FBXO36: variants seen among roughly 807,000 people sequenced by gnomAD.
The protein encoded by FBXO36 is F-box only protein 36.
FBXO36 carries 18 observed loss-of-function variants against 17.0 expected under a neutral mutation model. The ratio of observed to expected loss-of-function variants is 1.06; its 90% CI spans 0.73 to 1.57. FBXO36 has a LOEUF of 1.57. Ranked by LOEUF, FBXO36 falls within the 40% of genes most tolerant of loss-of-function variation. The pLI is 0.00. For synonymous variants in FBXO36, 83 were observed against 85.3 expected (o/e 0.97, Z 0.15); for missense variants, 229 against 221.9 (o/e 1.03, Z -0.20).
chr2:229,956,208 G>A (rs1269221178), intron 1 of FBXO36, among the ~76,000 whole-genome samples: 2 of 152,134 alleles, frequency 1.3e-5, no homozygotes, highest in Admixed American at 6.6e-5. Flanking sequence ...TCTGGAAACC[G>A]GAAGTCCAAG....
chr2:229,987,854 A>G (rs1317892457), intron 2 of FBXO36, among the ~76,000 whole-genome samples: 2 of 151,988 alleles, frequency 1.3e-5, no homozygotes, highest in Non-Finnish European at 2.9e-5. Flanking sequence ...ACTTATCTCT[A>G]ACTCCTGGCC....
chr2:229,996,613 G>A (rs879508834), intron 2 of FBXO36, 138 bp from the exon 3 acceptor site: 116 of 908,180 alleles, frequency 1.3e-4, no homozygotes, highest in Non-Finnish European at 1.6e-4. Flanking sequence ...AAGGCAGCTC[G>A]GTGAAAGTAG....
At chr2:229,995,364 T>A (rs1026491709) in intron 2 of FBXO36, among the ~76,000 whole-genome samples, 1 of 152,144 alleles carries the variant, frequency 6.6e-6, no homozygotes, top group Non-Finnish European at 1.5e-5. Context: ...GATTGGTTGA[T>A]TCTTTATGAA....
intron 1 of FBXO36, among the ~76,000 whole-genome samples, chr2:229,970,323 C>T (rs1026091575): frequency 1.3e-5 from 2 of 152,138 alleles, no homozygotes; most frequent in Non-Finnish European, 2.9e-5. Flanking sequence ...AGCTCGAGAC[C>T]AGCCTGGGCA....
intron 1 of FBXO36, among the ~76,000 whole-genome samples, chr2:229,965,159 T>TC (rs1209436626): frequency 6.8e-6 from 1 of 147,846 alleles, no homozygotes; most frequent in Admixed American, 6.8e-5. Flanking sequence ...TTTTTTTTTT[T>TC]TTTTTGTAGA....
chr2:229,994,837 C>T (rs944420264), intron 2 of FBXO36, among the ~76,000 whole-genome samples: 6 of 152,060 alleles, frequency 3.9e-5, no homozygotes, highest in East Asian at 1.9e-4. Context: ...TAGTCTTGGC[C>T]GGGCATGGTG....
intron 3 of FBXO36, among the ~76,000 whole-genome samples, chr2:230,004,901 G>A (rs1405714332): frequency 6.6e-6 from 1 of 152,120 alleles, no homozygotes; most frequent in Non-Finnish European, 1.5e-5. Flanking sequence ...AGCTACTTGG[G>A]AGGCTGAGGC....
chr2:230,005,455 C>T (rs1407927436), intron 3 of FBXO36, among the ~76,000 whole-genome samples: 1 of 152,052 alleles, frequency 6.6e-6, no homozygotes, highest in Non-Finnish European at 1.5e-5. Flanking sequence ...ATAAATGATG[C>T]TCCATACTTT....
intron 1 of FBXO36, among the ~76,000 whole-genome samples, chr2:229,962,161 T>TG (rs2077124763): frequency 6.6e-6 from 1 of 151,464 alleles, no homozygotes; most frequent in Non-Finnish European, 1.5e-5. Context: ...CCAGCCTGGG[T>TG]GACAGAGTAT....
At chr2:229,979,124 C>T (rs954933421) in intron 2 of FBXO36, among the ~76,000 whole-genome samples, 3 of 149,832 alleles carry the variant, frequency 2.0e-5, no homozygotes, top group Non-Finnish European at 3.0e-5. Flanking sequence ...GAGCAGAGAT[C>T]GTGCCACTGC....
intron 1 of FBXO36, among the ~76,000 whole-genome samples, chr2:229,934,680 GAC>G (rs2076955538): frequency 6.6e-6 from 1 of 152,096 alleles, no homozygotes; most frequent in Non-Finnish European, 1.5e-5. Flanking sequence ...TTATTTTTGA[GAC>G]AGAGCTGTGT....
chr2:229,984,797 T>A (rs936387978), intron 2 of FBXO36, among the ~76,000 whole-genome samples: 2 of 152,312 alleles, frequency 1.3e-5, no homozygotes, highest in Middle Eastern at 3.4e-3. Flanking sequence ...ATTCTGTGGG[T>A]ACAAATACAC....
intron 1 of FBXO36, among the ~76,000 whole-genome samples, chr2:229,936,990 A>G (rs1017703514): frequency 9.9e-5 from 15 of 152,184 alleles, no homozygotes; most frequent in African/African-American, 3.6e-4. Flanking sequence ...TATTCTCCAT[A>G]TTACATCTAA....
chr2:230,002,290 A>G (rs1373055212), intron 3 of FBXO36, among the ~76,000 whole-genome samples: 1 of 152,170 alleles, frequency 6.6e-6, no homozygotes, highest in Non-Finnish European at 1.5e-5. Context: ...AGTTTTTTCA[A>G]TAATGTCCTT....
chr2:229,995,592 CTTTCTTTTTT>C (rs1347969248), intron 2 of FBXO36, among the ~76,000 whole-genome samples: 3 of 114,552 alleles, frequency 2.6e-5, no homozygotes, highest in African/African-American at 6.4e-5. Context: ...CTCTTTCTTT[CTTTCTTTTTT>C]TTTTTTTTGG....
At position 229,996,898 on chromosome 2, in the gene FBXO36, G is replaced by T. The variant is rs140140630; in HGVS notation, c.353G>T (p.Cys118Phe). The change falls in exon 3 of 4, where the codon TGT becomes TTT. Residue 118 changes from cysteine to phenylalanine, a missense_variant. By Grantham distance (205) the Cys-to-Phe change is radical. Transcript: ENST00000283946. Reference sequence around the variant, plus strand: ...GATCTTGAAGATATTGCCAGGCTTTGTCAAACATCACACAGATTTGCAAAG... The same window carrying T: ...GATCTTGAAGATATTGCCAGGCTTTTTCAAACATCACACAGATTTGCAAAG... ...YLDLEDIARL[C>F]QTSHRFAKLC... The T allele has an allele frequency of 3.0e-5, 48 of 1,613,618 alleles. No individual in the cohort carries two copies. Among genetic ancestry groups the T allele is most frequent in the Non-Finnish European group, 3.9e-5 (46 of 1,179,930 alleles).
At chr2:229,965,171 A>T (rs2077144851) in intron 1 of FBXO36, among the ~76,000 whole-genome samples, 1 of 114,930 alleles carries the variant, frequency 8.7e-6, no homozygotes, top group Non-Finnish European at 1.7e-5. Context: ...TTTTGTAGAG[A>T]TGAGGGTCTT....
intron 1 of FBXO36, among the ~76,000 whole-genome samples, chr2:229,959,845 CAA>C (rs529333643): frequency 7.1e-6 from 1 of 141,518 alleles, no homozygotes. Context: ...GACTCCATCT[CAA>C]AAAAAAAAAG....
chr2:229,991,868 C>A (rs892809049), intron 2 of FBXO36, among the ~76,000 whole-genome samples: 2 of 152,126 alleles, frequency 1.3e-5, no homozygotes, highest in Non-Finnish European at 2.9e-5. Flanking sequence ...TTGTAGCCAC[C>A]TTTCCCCATC....
Sources: gnomAD v4.1 joint callset for allele counts (sites outside exome capture counted in the v4.1 genomes callset) on GRCh38, gnomAD v4.1.1 for gene constraint, MANE v1.5 for transcripts, NCBI Gene and HGNC (gene_info 2026-07-23, HGNC 2026-07-21) for gene names.